The following PAQR5 variants were observed in gnomAD, a reference collection of about 807,000 sequenced individuals.
The protein encoded by PAQR5 is progestin and adipoQ receptor family member 5.
In PAQR5, 20 loss-of-function variants were observed where a neutral mutation model predicts 34.5. The ratio of observed to expected loss-of-function variants is 0.58; its 90% CI spans 0.41 to 0.84. The LOEUF (loss-of-function observed/expected upper bound fraction) is 0.84, where lower values mean the gene tolerates loss of function less well. Among genes scored for constraint, PAQR5 ranks in the 40% least tolerant of loss-of-function variants. The pLI is 0.00. For synonymous variants in PAQR5, 131 were observed against 155.6 expected (o/e 0.84, Z 1.18); for missense variants, 378 against 412.7 (o/e 0.92, Z 0.73).
intron 5 of PAQR5, among the ~76,000 whole-genome samples, chr15:69,387,495 T>C (rs571446407): frequency 6.6e-6 from 1 of 152,344 alleles, no homozygotes; most frequent in East Asian, 1.9e-4. Context: ...TAAATGTGTT[T>C]TAAATGAGGC....
At chr15:69,353,560 A>G (rs1319303111) in intron 2 of PAQR5, among the ~76,000 whole-genome samples, 2 of 152,218 alleles carry the variant, frequency 1.3e-5, no homozygotes, top group African/African-American at 2.4e-5. Flanking sequence ...TCATAATTAC[A>G]GAGCCAGCTA....
intron 3 of PAQR5, 43 bp downstream of exon 3, chr15:69,360,174 A>G (rs375128274): frequency 5.0e-5 from 77 of 1,529,086 alleles, no homozygotes; most frequent in Non-Finnish European, 6.8e-5. Context: ...CCAGAGTGTG[A>G]CCAGGGCTTG....
intron 1 of PAQR5, among the ~76,000 whole-genome samples, chr15:69,312,243 G>A (rs1205767352): frequency 8.5e-5 from 13 of 152,156 alleles, no homozygotes; most frequent in Non-Finnish European, 1.6e-4. Flanking sequence ...AAGAGGTAGG[G>A]TGGAGCCTGC....
intron 1 of PAQR5, among the ~76,000 whole-genome samples, chr15:69,320,046 C>T (rs962410247): frequency 2.6e-5 from 4 of 152,252 alleles, no homozygotes; most frequent in African/African-American, 9.6e-5. Context: ...CTCGCCTTCC[C>T]CCGCAGCCAG....
chr15:69,370,831 C>T (rs1291752401), intron 3 of PAQR5, among the ~76,000 whole-genome samples: 1 of 151,936 alleles, frequency 6.6e-6, no homozygotes, highest in Non-Finnish European at 1.5e-5. Flanking sequence ...TGACAAATGC[C>T]CCTTTATAAG....
At chr15:69,340,079 T>G (rs946984681) in intron 2 of PAQR5, among the ~76,000 whole-genome samples, 28 of 152,048 alleles carry the variant, frequency 1.8e-4, no homozygotes, top group African/African-American at 6.5e-4. Context: ...TTGGTCAGGC[T>G]GGTCTCAAAC....
chr15:69,323,571 CAATT>C lies in PAQR5; in HGVS notation c.-276-13766_-276-13763del, dbSNP rs1339837613. 4.6e-5 allele frequency among the ~76,000 whole-genome samples: 7 copies of C among 152,294 alleles called. No individual in the cohort carries two copies. The East Asian group carries it at 1.4e-3, about 29-fold the overall frequency. ...TTTGCAACCCATGGGCTGGCTGACA[CAATT>C]AATCCTTTTAAGACCTGCCAAGAGT... On this transcript the variant is annotated intron_variant, in intron 1 of 8. Coordinates refer to ENST00000395407, the MANE Select transcript of PAQR5 (RefSeq NM_017705.4).
chr15:69,363,491 C>A (rs1595896228), intron 3 of PAQR5, among the ~76,000 whole-genome samples: 1 of 150,426 alleles, frequency 6.6e-6, no homozygotes, highest in East Asian at 1.9e-4. Context: ...CATGGCGTGA[C>A]ACTTTGCCAG....
rs146297692 is a variant in PAQR5 at position 69,336,959 on chromosome 15, C to T, written c.-276-382C>T. On this transcript the variant is annotated intron_variant, in intron 1 of 8. Coordinates refer to ENST00000395407, the MANE Select transcript of PAQR5 (RefSeq NM_017705.4). ...AGTGGCTATAGACTTTTGTCATCCA[C>T]AGACATTTTGTCTTGCTTTGGTCCT... Among the ~76,000 whole-genome samples the T allele has an allele frequency of 9.8e-4, 150 of 152,292 alleles. 4 individuals carry two copies. In the East Asian group the frequency reaches 0.026, roughly 27 times the overall value.
At chr15:69,397,420 G>A (rs1264253481) in intron 6 of PAQR5, 48 bp from the exon 7 acceptor site, 2 of 1,287,542 alleles carry the variant, frequency 1.6e-6, no homozygotes, top group South Asian at 1.2e-5. Context: ...GCAATTTGCT[G>A]AGACTCTTTT....
chr15:69,305,957 G>C (rs1413422105), intron 1 of PAQR5, among the ~76,000 whole-genome samples: 1 of 152,186 alleles, frequency 6.6e-6, no homozygotes, highest in Non-Finnish European at 1.5e-5. Context: ...GTTTGGGATA[G>C]TACTAACCCA....
In PAQR5 at chr15:69,385,902, CACAAT is replaced by C. The variant is rs769962321; in HGVS notation, c.385+1024_385+1028del. ...ACATGTACTCACACATTGACACACA[CACAAT>C]ACACTCACATACACACACTCACACC... On this transcript the variant is annotated intron_variant, in intron 5 of 8. Transcript: ENST00000395407. This position sits in a 1 kb window ranked among gnomAD's most constrained non-coding sequence, Gnocchi z 4.7. 6.6e-6 allele frequency among the ~76,000 whole-genome samples: 1 copy of C among 151,504 alleles called. No homozygotes were observed. Among genetic ancestry groups the C allele is most frequent in the East Asian group, 1.9e-4 (1 of 5,138 alleles).
rs145145880 is a variant in PAQR5 at position 69,394,168 on chromosome 15, C to T, written c.513-3300C>T. Among the ~76,000 whole-genome samples the T allele has an allele frequency of 7.7e-4, 117 of 151,038 alleles. 1 individual carries two copies. Among genetic ancestry groups the T allele is most frequent in the Middle Eastern group, 3.4e-3 (1 of 294 alleles). On this transcript the variant is annotated intron_variant, in intron 6 of 8. Transcript: ENST00000395407. ...TGAGTGAAAAACCTCCTGGTCAGAG[C>T]AGTGAGGGCGAGAGATTAATTTTCA...
chr15:69,385,739 C>T lies in PAQR5; in HGVS notation c.385+857C>T, dbSNP rs1014354377. ...TCCATCCTCTTTCTTCATATACACACGTTCACACTCACACAAACACACACT... is the reference window on the plus strand; with the variant it reads ...TCCATCCTCTTTCTTCATATACACATGTTCACACTCACACAAACACACACT... On this transcript the variant is annotated intron_variant, in intron 5 of 8. Transcript: ENST00000395407. The surrounding 1 kb of genome is among the most constrained non-coding windows in gnomAD (Gnocchi z 4.7). Among the ~76,000 whole-genome samples the T allele has an allele frequency of 6.6e-6, 1 of 152,000 alleles. No individual in the cohort carries two copies. Among genetic ancestry groups the T allele is most frequent in the African/African-American group, 2.4e-5 (1 of 41,346 alleles).
intron 1 of PAQR5, among the ~76,000 whole-genome samples, chr15:69,302,852 C>T (rs1009053665): frequency 4.6e-5 from 7 of 152,210 alleles, no homozygotes; most frequent in African/African-American, 1.4e-4. Context: ...CCATTCTTGA[C>T]TCCTAACAAG....
At position 69,404,744 on chromosome 15, in the gene PAQR5, A is replaced by G. The variant is rs1024766486; in HGVS notation, c.*922A>G. On this transcript the variant is annotated 3_prime_UTR_variant, in exon 9 of 9. Transcript: ENST00000395407. The stretch of plus-strand genomic sequence containing the variant: ...TAGTATCCATATGCATAAGAAGTTA[A>G]TCACCTTGCCAGTGGGGTGGTCACA... 10 of 393,578 alleles carry G rather than the reference A, an allele frequency of 2.5e-5. No individual in the cohort carries two copies. The highest frequency in any genetic ancestry group is 4.4e-5 in the Admixed American group (1 of 22,604). 24.4% of individuals were successfully genotyped at this position (393,578 alleles called of 1,614,324 possible).
intron 1 of PAQR5, among the ~76,000 whole-genome samples, chr15:69,311,795 T>G (rs1249206545): frequency 6.6e-6 from 1 of 152,150 alleles, no homozygotes; most frequent in Non-Finnish European, 1.5e-5. Context: ...GTGTGGCCCC[T>G]CCTCTTGGGA....
At chr15:69,338,559 C>T (rs542107835) in intron 2 of PAQR5, among the ~76,000 whole-genome samples, 4 of 152,328 alleles carry the variant, frequency 2.6e-5, no homozygotes, top group African/African-American at 9.6e-5. Flanking sequence ...CTCTTCTCAC[C>T]TTGGGGTTCA....
chr15:69,313,895 G>T (rs1268927410), intron 1 of PAQR5, among the ~76,000 whole-genome samples: 4 of 152,096 alleles, frequency 2.6e-5, no homozygotes, highest in Admixed American at 2.0e-4. Context: ...GGGAGTCCTG[G>T]GGGGGCTGCA....
Sources: allele counts gnomAD v4.1 joint callset (sites outside exome capture counted in the v4.1 genomes callset), GRCh38; gene constraint gnomAD v4.1.1; non-coding constraint Gnocchi (gnomAD v3.1); transcripts MANE v1.5; gene names NCBI Gene and HGNC (gene_info 2026-07-23, HGNC 2026-07-21).